Variants in B4GALNT4 observed in about 807,000 individuals in gnomAD.
B4GALNT4 encodes N-acetyl-beta-glucosaminyl-glycoprotein 4-beta-N-acetylgalactosaminyltransferase 1.
B4GALNT4 carries 77 observed loss-of-function variants against 110.0 expected under a neutral mutation model. The ratio of observed to expected loss-of-function variants is 0.70; its 90% CI spans 0.58 to 0.85. The LOEUF is 0.85. Among genes scored for constraint, B4GALNT4 ranks in the 40% least tolerant of loss-of-function variants. The pLI is 0.00. For missense variants in B4GALNT4, 1,575 were observed against 1,506.0 expected (o/e 1.05, Z -0.76); for synonymous variants, 785 against 655.5 (o/e 1.20, Z -3.02).
chr11:376,272 G>A lies in B4GALNT4; in HGVS notation c.1218G>A (p.Met406Ile). The A allele has an allele frequency of 6.2e-7, 1 of 1,610,016 alleles. No individual in the cohort carries two copies. Among genetic ancestry groups the A allele is most frequent in the Non-Finnish European group, 8.5e-7 (1 of 1,178,242 alleles). Residue 406 changes from methionine to isoleucine, a missense_variant, in exon 13 of 20, where the codon ATG becomes ATA. Coordinates refer to ENST00000329962, the MANE Select transcript of B4GALNT4 (RefSeq NM_178537.5). ...YLERFGFYKYMKMDKEEGDED... is the reference protein window; with the variant it reads ...YLERFGFYKYIKMDKEEGDED... ...CCAGGTTTGGGTTCTATAAATACAT[G>A]AAGATGGACAAGGAGGAGGGGGATG...
intron 1 of B4GALNT4, 42 bp downstream of exon 1, chr11:369,996 G>GCGCGGGGT (rs1159343326): frequency 7.8e-5 from 11 of 140,780 alleles, no homozygotes; most frequent in East Asian, 2.6e-4. Context: ...GGCGGGGGCG[G>GCGCGGGGT]CGCGGGGGGC....
rs779521633 is a variant in B4GALNT4, at chr11:373,016, G to GC, written c.445-3dup. The GC allele has an allele frequency of 2.4e-5, 38 of 1,612,294 alleles. No homozygotes were observed. Among genetic ancestry groups the GC allele is most frequent in the Non-Finnish European group, 3.1e-5 (36 of 1,179,838 alleles). On this transcript the variant is annotated splice_polypyrimidine_tract_variant and intron_variant, in intron 4 of 19. Coordinates refer to ENST00000329962, the MANE Select transcript of B4GALNT4 (RefSeq NM_178537.5). ...GGGGGCTTCGACAGCAACAGTCACT[G>GC]CCCCCCCAGACGCGCACCACCGTGA...
chr11:375,335 TCTC>T, intron 8 of B4GALNT4, 123 bp from the exon 9 acceptor site: 1 of 991,152 alleles, frequency 1.0e-6, no homozygotes, highest in Non-Finnish European at 1.6e-6. Flanking sequence ...CCCTCTGCCA[TCTC>T]CTCTCCTGCA....
In B4GALNT4 at chr11:377,289, CGCTCAGTACATGGA is replaced by C; in HGVS notation, c.2169_2182del (p.Gln724AlafsTer247). ...CGGAGGCGGAGGCCGTGGACGTGAC[CGCTCAGTACATGGA>C]GCGGCTGAACGCGCGCCACGGCGGG... On this transcript the variant is annotated frameshift_variant, in exon 14 of 20. Coordinates refer to ENST00000329962, the MANE Select transcript of B4GALNT4 (RefSeq NM_178537.5). LOFTEE classifies it high-confidence loss of function. The C allele has an allele frequency of 6.3e-7, 1 of 1,588,208 alleles. No individual in the cohort carries two copies. The highest frequency in any genetic ancestry group is 8.6e-7 in the Non-Finnish European group (1 of 1,169,580).
At position 376,620 on chromosome 11, in the gene B4GALNT4, G is replaced by A. The variant is rs1846760471; in HGVS notation, c.1497G>A (p.Arg499=). ...RHSRALSWAA[R]AARPLPLFLG... is the part of the protein sequence containing the mutation. ...CCCGGGCCCTGAGCTGGGCCGCCAG[G>A]GCCGCCCGCCCTTTGCCGCTCTTCT... The change falls in exon 14 of 20, where the codon AGG becomes AGA. Residue 499 remains arginine, a synonymous_variant. Transcript: ENST00000329962. 6 of 1,401,622 alleles carry A rather than the reference G, an allele frequency of 4.3e-6. No individual in the cohort carries two copies. The highest frequency in any genetic ancestry group is 5.6e-6 in the Non-Finnish European group (6 of 1,079,684). 86.8% of individuals were successfully genotyped at this position (1,401,622 alleles called of 1,614,324 possible).
chr11:380,133 C>T lies in B4GALNT4; in HGVS notation c.2646C>T (p.Tyr882=). The change falls in exon 17 of 20, where the codon TAC becomes TAT. Residue 882 remains tyrosine, a synonymous_variant. Transcript: ENST00000329962. ...RALRAARLPR[Y]QYLRRTGNFE... ...GCCTGTGACTCGCCCTCCCCAGGTA[C>T]CAGTACCTGAGACGAACCGGGAACT... 2.5e-6 allele frequency: 4 copies of T among 1,602,858 alleles called. No homozygotes were observed. In the South Asian group the frequency reaches 3.3e-5, roughly 13 times the overall value.
intron 7 of B4GALNT4, 65 bp from the exon 8 acceptor site, chr11:373,685 C>T: frequency 1.3e-6 from 2 of 1,573,798 alleles, no homozygotes; most frequent in South Asian, 1.1e-5. Flanking sequence ...CCACCTGCCC[C>T]CTTCCCTGCC....
rs1030412585 is a variant in B4GALNT4, at chr11:376,550, C to T, written c.1427C>T (p.Pro476Leu). 6.7e-5 allele frequency: 92 copies of T among 1,381,122 alleles called. No individual in the cohort carries two copies. Among genetic ancestry groups the T allele is most frequent in the Non-Finnish European group, 8.3e-5 (90 of 1,078,188 alleles). The allele number at this position is 1,381,122 out of a possible 1,614,324, so 85.6% of individuals were successfully genotyped here. A position where few individuals can be genotyped will look rare whatever the true frequency, so the allele number is the denominator to read the frequency against. ...GCCCAGCCCGGAGCCACCCTCGCCCCGCCGACCCCTCCCCGCCCCCGGGAC... is the reference window on the plus strand; with the variant it reads ...GCCCAGCCCGGAGCCACCCTCGCCCTGCCGACCCCTCCCCGCCCCCGGGAC... ...APAQPGATLAPPTPPRPRDGG... is the reference protein window; with the variant it reads ...APAQPGATLALPTPPRPRDGG... Residue 476 changes from proline (P) to leucine (L), a missense_variant, in exon 14 of 20, where the codon CCG becomes CTG. Physicochemically the swap from Pro to Leu is moderately conservative, Grantham distance 98 (BLOSUM62 -3). Coordinates refer to ENST00000329962, the MANE Select transcript of B4GALNT4 (RefSeq NM_178537.5).
intron 1 of B4GALNT4, among the ~76,000 whole-genome samples, chr11:370,671 G>GA (rs1431802081): frequency 1.3e-5 from 2 of 152,208 alleles, no homozygotes; most frequent in Non-Finnish European, 2.9e-5. Flanking sequence ...ATGAAAGCCT[G>GA]GCGGTGGGGT....
rs757945353 is a variant in B4GALNT4, at chr11:381,709, C to A, written c.3037C>A (p.Arg1013=). Residue 1013 remains arginine, a synonymous_variant, in exon 20 of 20, where the codon CGG becomes AGG. Coordinates refer to ENST00000329962, the MANE Select transcript of B4GALNT4 (RefSeq NM_178537.5). ...AGLEVERLRL[R]NFYHHYHSKR... ...GCTGGAGGTGGAGCGGCTCCGACTG[C>A]GGAATTTCTATCACCACTACCACTC... The A allele has an allele frequency of 8.8e-6, 14 of 1,592,392 alleles. No homozygotes were observed. In the East Asian group the frequency reaches 9.3e-5, roughly 11 times the overall value.
rs1307232985 is a variant in B4GALNT4 at position 376,332 on chromosome 11, C to T, written c.1278C>T (p.Phe426=). The T allele has an allele frequency of 6.2e-7, 1 of 1,609,234 alleles. No individual in the cohort carries two copies. Among genetic ancestry groups the T allele is most frequent in the East Asian group, 2.2e-5 (1 of 44,790 alleles). ...AAGACGAGGTGCAGCGCCGAGCCTTCCTCTTCCTCAACCCGGACGGTGAGT... is the reference window on the plus strand; with the variant it reads ...AAGACGAGGTGCAGCGCCGAGCCTTTCTCTTCCTCAACCCGGACGGTGAGT... The part of the protein sequence containing the change: ...DEEDEVQRRA[F]LFLNPDDFLD... Residue 426 remains phenylalanine (F), a synonymous_variant, in exon 13 of 20, where the codon TTC becomes TTT. Transcript: ENST00000329962.
chr11:370,625 T>C (rs1236390846), intron 1 of B4GALNT4, among the ~76,000 whole-genome samples: 2 of 151,974 alleles, frequency 1.3e-5, no homozygotes, highest in African/African-American at 4.8e-5. Flanking sequence ...GACATACACC[T>C]TTGGGGGAAA....
rs904780730 is a variant in B4GALNT4 at position 369,748 on chromosome 11, G to A, written c.-56G>A. The A allele has an allele frequency of 1.1e-6, 1 of 886,546 alleles. No individual in the cohort carries two copies. The highest frequency in any genetic ancestry group is 1.3e-6 in the Non-Finnish European group (1 of 743,620). The allele number at this position is 886,546 out of a possible 1,614,324, so 54.9% of individuals were successfully genotyped here. ...GGGATGCGGCGCGGGGCGGGCGGGG[G>A]CCGGGGGCTGCAGCGGCGCCGCTGA... On this transcript the variant is annotated 5_prime_UTR_variant, in exon 1 of 20. Coordinates refer to ENST00000329962, the MANE Select transcript of B4GALNT4 (RefSeq NM_178537.5).
chr11:379,888 G>A lies in B4GALNT4; in HGVS notation c.2511G>A (p.Val837=). ...CAGTGAAAAACCAGGCACGGTGGGT[G>A]GCACAGTTCCTGGCGGACATGGCTG... The part of the protein sequence containing the change: ...IVPVKNQARW[V]AQFLADMAAL... The change falls in exon 16 of 20, where the codon GTG becomes GTA. Residue 837 remains valine, a synonymous_variant. Coordinates refer to ENST00000329962, the MANE Select transcript of B4GALNT4 (RefSeq NM_178537.5). 1.9e-6 allele frequency: 3 copies of A among 1,604,694 alleles called. No individual in the cohort carries two copies. Among genetic ancestry groups the A allele is most frequent in the Non-Finnish European group, 2.5e-6 (3 of 1,176,596 alleles).
Position 375,481 on chromosome 11 carries a change from C to G in B4GALNT4, c.804C>G (p.Gly268=), listed in dbSNP as rs1846724969. 1.2e-6 allele frequency: 2 copies of G among 1,611,784 alleles called. No individual in the cohort carries two copies. Among genetic ancestry groups the G allele is most frequent in the Admixed American group, 3.3e-5 (2 of 59,986 alleles). The change falls in exon 9 of 20, where the codon GGC becomes GGG. Residue 268 remains glycine, a synonymous_variant. Coordinates refer to ENST00000329962, the MANE Select transcript of B4GALNT4 (RefSeq NM_178537.5). ...CGCAGTGGCGAGCTTTCCTGCCCGGCCTGAAGTTCGAGGTCATCAGCTCTG... is the reference window on the plus strand; with the variant it reads ...CGCAGTGGCGAGCTTTCCTGCCCGGGCTGAAGTTCGAGGTCATCAGCTCTG... ...VEVGWRAFLP[G]LKFEVISSAH... is the part of the protein sequence containing the mutation.
In B4GALNT4 at chr11:376,350, C is replaced by T. The variant is rs200975874; in HGVS notation, c.1296C>T (p.Asp432=). 5.2e-5 allele frequency: 83 copies of T among 1,606,872 alleles called. No homozygotes were observed. In the African/African-American group the frequency reaches 9.7e-4, roughly 19 times the overall value. The stretch of plus-strand genomic sequence containing the variant: ...GAGCCTTCCTCTTCCTCAACCCGGA[C>T]GGTGAGTGTCCGCAGCGCCCCTGGC... ...QRRAFLFLNP[D]DFLDDEDEGE... is the part of the protein sequence containing the mutation. Residue 432 remains aspartate, a splice_region_variant and synonymous_variant, in exon 13 of 20, where the codon GAC becomes GAT. Transcript: ENST00000329962.
chr11:372,730 T>C lies in B4GALNT4; in HGVS notation c.324T>C (p.His108=). 6.3e-7 allele frequency: 1 copy of C among 1,594,590 alleles called. No individual in the cohort carries two copies. Among genetic ancestry groups the C allele is most frequent in the East Asian group, 2.3e-5 (1 of 43,620 alleles). ...GAGRLPLNFT[H]QTPPWREEYK... The stretch of plus-strand genomic sequence containing the variant: ...GGAGGCTGCCACTGAACTTCACCCA[T>C]CAGACACCCCCATGGCGGGAGGAGG... Residue 108 remains histidine (H), a synonymous_variant, in exon 3 of 20, where the codon CAT becomes CAC. Transcript: ENST00000329962.
intron 7 of B4GALNT4, 100 bp downstream of exon 7, chr11:373,616 G>A (rs563210112): frequency 7.9e-6 from 12 of 1,527,136 alleles, no homozygotes; most frequent in African/African-American, 2.7e-5. Flanking sequence ...CACTCTGCAC[G>A]AGCACCCGCC....
intron 8 of B4GALNT4, 60 bp from the exon 9 acceptor site, chr11:375,401 C>T (rs1043290787): frequency 5.1e-6 from 8 of 1,567,580 alleles, no homozygotes; most frequent in African/African-American, 2.7e-5. Flanking sequence ...AGGGTAGACC[C>T]TTTCTTCCCT....
Sources: allele counts gnomAD v4.1 joint callset (sites outside exome capture counted in the v4.1 genomes callset), GRCh38; gene constraint gnomAD v4.1.1; transcripts MANE v1.5; gene names NCBI Gene and HGNC (gene_info 2026-07-23, HGNC 2026-07-21).